The following FZD6 variants were observed in gnomAD, a reference collection of about 807,000 sequenced individuals.
The protein encoded by FZD6 is frizzled class receptor 6, also known as frizzled-6.
A neutral mutation model predicts 61.4 loss-of-function variants in FZD6; 49 were observed. The observed-to-expected ratio is 0.80, with a 90% CI of 0.63 to 1.01. The LOEUF (loss-of-function observed/expected upper bound fraction) is 1.01. FZD6 is among the 50% of genes least tolerant of loss of function. The probability of loss-of-function intolerance (pLI) is 0.00; values close to 1 mark genes in which losing one functional copy is unlikely to be tolerated. For synonymous variants in FZD6, 265 were observed against 292.2 expected (o/e 0.91, Z 0.95); for missense variants, 724 against 848.2 (o/e 0.85, Z 1.82).
chr8:103,309,638 G>A (rs1814439388), intron 2 of FZD6, among the ~76,000 whole-genome samples: 1 of 152,116 alleles, frequency 6.6e-6, no homozygotes, highest in South Asian at 2.1e-4. Context: ...TATGCCTATT[G>A]TGTTTTTGCT....
At chr8:103,310,496 A>G (rs1032324039) in intron 2 of FZD6, among the ~76,000 whole-genome samples, 14 of 152,046 alleles carry the variant, frequency 9.2e-5, no homozygotes, top group African/African-American at 2.4e-4. Context: ...ACCTCCTGGC[A>G]TAAACCAGTC....
chr8:103,298,714 C>A (rs1373432992), upstream of FZD6: 1 of 150,964 alleles, frequency 6.6e-6, no homozygotes, highest in African/African-American at 2.4e-5. Context: ...CGGGTCCTGG[C>A]GGGCCGCGGA....
At chr8:103,331,092 G>A (rs536218311) in intron 6 of FZD6, among the ~76,000 whole-genome samples, 2 of 152,216 alleles carry the variant, frequency 1.3e-5, no homozygotes, top group South Asian at 2.1e-4. Flanking sequence ...CAGGAGAATC[G>A]CTTGAACCCA....
At chr8:103,309,698 G>C (rs748581917) in intron 2 of FZD6, among the ~76,000 whole-genome samples, 7 of 152,076 alleles carry the variant, frequency 4.6e-5, no homozygotes, top group Non-Finnish European at 8.8e-5. Context: ...AATTGCAGTG[G>C]GTTGGATTTA....
intron 2 of FZD6, among the ~76,000 whole-genome samples, chr8:103,304,574 A>C (rs554935781): frequency 2.6e-4 from 40 of 152,354 alleles, no homozygotes; most frequent in Admixed American, 2.6e-3. Context: ...CAGACCATAC[A>C]GTCTCCGTCA....
chr8:103,305,689 C>G (rs772763924), intron 2 of FZD6, among the ~76,000 whole-genome samples: 1 of 152,202 alleles, frequency 6.6e-6, no homozygotes, highest in Non-Finnish European at 1.5e-5. Flanking sequence ...AAGCCAGTTG[C>G]GTGTATAATG....
chr8:103,327,018 A>T (rs1467811152), intron 4 of FZD6, among the ~76,000 whole-genome samples: 1 of 152,252 alleles, frequency 6.6e-6, no homozygotes, highest in Non-Finnish European at 1.5e-5. Context: ...GTGAAACAAT[A>T]AATAGCAAAA....
intron 2 of FZD6, among the ~76,000 whole-genome samples, chr8:103,306,604 G>A (rs778920907): frequency 1.4e-5 from 2 of 139,710 alleles, no homozygotes; most frequent in East Asian, 2.4e-4. Context: ...CTGGGTTCAC[G>A]CCATTCTCCT....
chr8:103,329,013 TTATATATA>T, intron 5 of FZD6, among the ~76,000 whole-genome samples: 1 of 115,178 alleles, frequency 8.7e-6, no homozygotes, highest in Admixed American at 1.0e-4. Context: ...CATTTTAGTT[TTATATATA>T]TATATATATA....
chr8:103,301,169 T>C (rs1814159964), intron 2 of FZD6, among the ~76,000 whole-genome samples: 2 of 152,256 alleles, frequency 1.3e-5, no homozygotes. Context: ...TTTTGCAGCT[T>C]TGAAAGTTTT....
At chr8:103,307,651 G>T (rs1468748923) in intron 2 of FZD6, 1 of 417,156 alleles carries the variant, frequency 2.4e-6, no homozygotes, top group South Asian at 1.7e-5. Context: ...TTCTTTCATT[G>T]ATTTTATATA....
At chr8:103,315,612 G>C (rs1357273151) in intron 2 of FZD6, among the ~76,000 whole-genome samples, 1 of 152,204 alleles carries the variant, frequency 6.6e-6, no homozygotes, top group African/African-American at 2.4e-5. Context: ...AGTTACTGAG[G>C]GGGTGAGGAG....
chr8:103,332,464 C>A lies in FZD6; in HGVS notation c.*955C>A, dbSNP rs1443330071. ...TGTATTATACAGTACCTTTCTCAGA[C>A]ATTTTGTAGAATTCATTTCGGCAGC... On this transcript the variant is annotated 3_prime_UTR_variant, in exon 7 of 7. Transcript: ENST00000358755. 4.6e-5 allele frequency: 7 copies of A among 152,084 alleles called. No homozygotes were observed. The highest frequency in any genetic ancestry group is 4.4e-5 in the Non-Finnish European group (3 of 68,000). The allele number at this position is 152,084 out of a possible 1,614,324, so 9.4% of individuals were successfully genotyped here.
chr8:103,328,997 G>C (rs1424219570), intron 5 of FZD6, among the ~76,000 whole-genome samples: 1 of 60,040 alleles, frequency 1.7e-5, no homozygotes, highest in Non-Finnish European at 3.5e-5. Flanking sequence ...ATATTTATGA[G>C]TAATTCATTT....
intron 2 of FZD6, among the ~76,000 whole-genome samples, chr8:103,312,096 C>A (rs768914437): frequency 6.6e-6 from 1 of 152,062 alleles, no homozygotes; most frequent in Non-Finnish European, 1.5e-5. Flanking sequence ...CTGTTTTTCA[C>A]GATAGAGATG....
At chr8:103,307,443 G>A (rs1339410884) in intron 2 of FZD6, among the ~76,000 whole-genome samples, 3 of 152,120 alleles carry the variant, frequency 2.0e-5, no homozygotes, top group African/African-American at 7.2e-5. Context: ...ATACAGTAAT[G>A]CACAAACAGA....
chr8:103,322,476 G>A (rs1351013657), intron 3 of FZD6, among the ~76,000 whole-genome samples: 5 of 151,890 alleles, frequency 3.3e-5, no homozygotes, highest in South Asian at 4.2e-4. Flanking sequence ...GATGAATACT[G>A]ACTGACTTGA....
In FZD6 at chr8:103,316,012, A is replaced by G. The variant is rs1586514175; in HGVS notation, c.178-2578A>G. Among the ~76,000 whole-genome samples, 3 of 152,290 alleles carry G rather than the reference A, an allele frequency of 2.0e-5. No homozygotes were observed. The East Asian group carries it at 5.8e-4, about 29-fold the overall frequency. On this transcript the variant is annotated intron_variant, in intron 2 of 6. Transcript: ENST00000358755. ...TCTGTTTATTCTTTCCTATTAGGGTAATTGATAATTCATTTCTCTTACCCT... is the reference window on the plus strand; with the variant it reads ...TCTGTTTATTCTTTCCTATTAGGGTGATTGATAATTCATTTCTCTTACCCT...
chr8:103,328,027 A>T (rs1177641755), intron 4 of FZD6, among the ~76,000 whole-genome samples: 3 of 152,156 alleles, frequency 2.0e-5, no homozygotes, highest in Non-Finnish European at 4.4e-5. Context: ...GATTTAGGAG[A>T]TTATTCTTAA....
Sources: gnomAD v4.1 joint callset for allele counts (sites outside exome capture counted in the v4.1 genomes callset) on GRCh38, gnomAD v4.1.1 for gene constraint, MANE v1.5 for transcripts, NCBI Gene and HGNC (gene_info 2026-07-23, HGNC 2026-07-21) for gene names.